Variants in ZNF793 observed in about 807,000 individuals in gnomAD.
ZNF793 encodes zinc finger protein 793.
A neutral mutation model predicts 12.4 loss-of-function variants in ZNF793; 5 were observed. The observed-to-expected ratio is 0.40, with a 90% CI of 0.21 to 0.84. The LOEUF is 0.84. Ranked by LOEUF, ZNF793 falls within the 40% of genes least tolerant of loss-of-function variation. The pLI, the probability that ZNF793 is intolerant of heterozygous loss-of-function variation, is 0.35. For synonymous variants in ZNF793, 162 were observed against 172.4 expected (o/e 0.94, Z 0.47); for missense variants, 456 against 495.0 (o/e 0.92, Z 0.75).
At chr19:37,536,256 T>A in intron 7 of ZNF793, 1 of 393,326 alleles carries the variant, frequency 2.5e-6, no homozygotes, top group East Asian at 3.6e-5. Flanking sequence ...CTTGGATGAC[T>A]GCTATACCAG....
At chr19:37,536,312 T>C (rs1325196940) in intron 7 of ZNF793, 1 of 396,910 alleles carries the variant, frequency 2.5e-6, no homozygotes, top group African/African-American at 2.1e-5. Flanking sequence ...GGCATCTTGT[T>C]GAAATGCAGA....
In ZNF793 at chr19:37,541,114, T is replaced by C. The variant is rs2042549156; in HGVS notation, c.*3235T>C. On this transcript the variant is annotated 3_prime_UTR_variant, in exon 8 of 8. Coordinates refer to ENST00000627814, the MANE Select transcript of ZNF793 (RefSeq NM_001013659.3). ...AAATTCAGAAATAGACTTCGATATA[T>C]ATGAACTTTTTCATATGTGAAAAAG... 6.6e-6 allele frequency: 1 copy of C among 152,096 alleles called. No individual in the cohort carries two copies. Among genetic ancestry groups the C allele is most frequent in the Non-Finnish European group, 1.5e-5 (1 of 68,016 alleles). 9.4% of individuals were successfully genotyped at this position (152,096 alleles called of 1,614,324 possible). A position where few individuals can be genotyped will look rare whatever the true frequency, so the allele number is the denominator to read the frequency against.
At chr19:37,514,420 G>A (rs1034706336) in intron 2 of ZNF793, among the ~76,000 whole-genome samples, 2 of 152,122 alleles carry the variant, frequency 1.3e-5, no homozygotes, top group Non-Finnish European at 2.9e-5. Context: ...TCTGGGCGTG[G>A]TCTTGTACAC....
chr19:37,537,980 C>T lies in ZNF793; in HGVS notation c.*101C>T, dbSNP rs544377578. ...AGGCTGGAGTGCAGTGGCGCGATCTCGGCTTACTGCAAGCTCTGCCTCCCG... is the reference window on the plus strand; with the variant it reads ...AGGCTGGAGTGCAGTGGCGCGATCTTGGCTTACTGCAAGCTCTGCCTCCCG... On this transcript the variant is annotated 3_prime_UTR_variant, in exon 8 of 8. Transcript: ENST00000627814. 557 of 1,344,186 alleles carry T rather than the reference C, an allele frequency of 4.1e-4. No individual in the cohort carries two copies. The highest frequency in any genetic ancestry group is 7.6e-4 in the South Asian group (48 of 63,398). 83.3% of individuals were successfully genotyped at this position (1,344,186 alleles called of 1,614,324 possible).
chr19:37,516,652 T>C (rs1332331516), intron 2 of ZNF793, among the ~76,000 whole-genome samples: 1 of 152,018 alleles, frequency 6.6e-6, no homozygotes, highest in African/African-American at 2.4e-5. Context: ...GACTCTTTTT[T>C]TTTTCTTTTT....
intron 7 of ZNF793, chr19:37,534,440 CA>C: frequency 6.6e-6 from 1 of 152,232 alleles, no homozygotes; most frequent in Non-Finnish European, 1.5e-5. Flanking sequence ...CTTTGTGTGT[CA>C]AAAACTAAAA....
Position 37,536,984 on chromosome 19 carries a change from C to T in ZNF793, c.326C>T (p.Pro109Leu). The change falls in exon 8 of 8, where the codon CCC (proline) becomes CTC (leucine). Residue 109 changes from proline to leucine, a missense_variant. Physicochemically the swap from Pro to Leu is moderately conservative, Grantham distance 98. Coordinates refer to ENST00000627814, the MANE Select transcript of ZNF793 (RefSeq NM_001013659.3). ...GCAGCCATAAGCAAGAAAACATTGC[C>T]CAAGGAGAAAAGCTGTGAATATAAT... ...PGAAISKKTL[P>L]KEKSCEYNKF... The T allele has an allele frequency of 6.2e-7, 1 of 1,613,894 alleles. No individual in the cohort carries two copies. The highest frequency in any genetic ancestry group is 1.1e-5 in the South Asian group (1 of 91,060).
intron 5 of ZNF793, among the ~76,000 whole-genome samples, chr19:37,532,014 AATT>A (rs2042465517): frequency 7.1e-6 from 1 of 141,364 alleles, no homozygotes; most frequent in African/African-American, 2.6e-5. Context: ...TCTTGCACAA[AATT>A]TTTTTTTTTT....
intron 2 of ZNF793, among the ~76,000 whole-genome samples, chr19:37,510,497 A>G (rs1012133177): frequency 3.5e-4 from 52 of 149,520 alleles, no homozygotes; most frequent in African/African-American, 1.2e-3. Flanking sequence ...CCTGGGCAAC[A>G]AGAGTGAAAC....
chr19:37,514,093 A>G (rs1207219893), intron 2 of ZNF793, among the ~76,000 whole-genome samples: 1 of 152,224 alleles, frequency 6.6e-6, no homozygotes, highest in East Asian at 1.9e-4. Flanking sequence ...TTAGGAATGT[A>G]AAAAGGGGAA....
rs2042548982 is a variant in ZNF793 at position 37,541,083 on chromosome 19, A to G, written c.*3204A>G. 6.6e-6 allele frequency: 1 copy of G among 152,170 alleles called. No homozygotes were observed. The highest frequency in any genetic ancestry group is 1.5e-5 in the Non-Finnish European group (1 of 68,032). 9.4% of individuals were successfully genotyped at this position (152,170 alleles called of 1,614,324 possible). On this transcript the variant is annotated 3_prime_UTR_variant, in exon 8 of 8. Coordinates refer to ENST00000627814, the MANE Select transcript of ZNF793 (RefSeq NM_001013659.3). The stretch of plus-strand genomic sequence containing the variant: ...ACAGGTAAATACATCATTAGAACAC[A>G]GTAGAAAATTCAGAAATAGACTTCG...
chr19:37,516,887 C>G (rs2042336860), intron 2 of ZNF793, among the ~76,000 whole-genome samples: 1 of 151,944 alleles, frequency 6.6e-6, no homozygotes, highest in Non-Finnish European at 1.5e-5. Context: ...CTCAAGCGAT[C>G]TGCCCACCTC....
rs2042512685 is a variant in ZNF793, at chr19:37,537,184, A to T, written c.526A>T (p.Ile176Leu). Residue 176 changes from isoleucine (I) to leucine (L), a missense_variant, in exon 8 of 8, where the codon ATA becomes TTA. By Grantham distance (5) the Ile-to-Leu change is conservative (BLOSUM62 2). Transcript: ENST00000627814. ...TGCTTATGGGAAATTGCTTCAGCGT[A>T]TAAATCATGGTAGACGACCTAATGG... ...CYAYGKLLQR[I>L]NHGRRPNGEK... is the part of the protein sequence containing the mutation. 6.2e-7 allele frequency: 1 copy of T among 1,613,696 alleles called. No homozygotes were observed. The highest frequency in any genetic ancestry group is 8.5e-7 in the Non-Finnish European group (1 of 1,179,770).
At chr19:37,518,040 C>T (rs1016994773) in intron 2 of ZNF793, among the ~76,000 whole-genome samples, 5 of 152,140 alleles carry the variant, frequency 3.3e-5, no homozygotes, top group Admixed American at 6.5e-5. Context: ...TTATGCTTCA[C>T]ATTGTATGTT....
In ZNF793 at chr19:37,539,136, T is replaced by C. The variant is rs536003450; in HGVS notation, c.*1257T>C. The stretch of plus-strand genomic sequence containing the variant: ...GCCAAAAATTTTACTAAAATGTAGT[T>C]ATTTATATTAAAAATGCAAGCTAAG... On this transcript the variant is annotated 3_prime_UTR_variant, in exon 8 of 8. Transcript: ENST00000627814. 2.6e-5 allele frequency: 4 copies of C among 152,364 alleles called. No individual in the cohort carries two copies. In the South Asian group the frequency reaches 8.3e-4, roughly 32 times the overall value. 9.4% of individuals were successfully genotyped at this position (152,364 alleles called of 1,614,324 possible).
At chr19:37,521,829 C>G (rs939678111) in intron 3 of ZNF793, among the ~76,000 whole-genome samples, 3 of 151,996 alleles carry the variant, frequency 2.0e-5, no homozygotes, top group African/African-American at 7.3e-5. Context: ...TATTCCTTAC[C>G]TAGATTCATC....
At chr19:37,508,042 C>G (rs1377999341) in intron 1 of ZNF793, among the ~76,000 whole-genome samples, 2 of 152,178 alleles carry the variant, frequency 1.3e-5, no homozygotes, top group African/African-American at 4.8e-5. Flanking sequence ...ACACATTTCA[C>G]TCAGGTGACA....
At chr19:37,513,457 T>C (rs979888958) in intron 2 of ZNF793, among the ~76,000 whole-genome samples, 2 of 152,214 alleles carry the variant, frequency 1.3e-5, no homozygotes, top group African/African-American at 4.8e-5. Context: ...CAAAACTGTT[T>C]AAAATGTTGA....
chr19:37,524,195 A>AATC (rs2042396393), intron 5 of ZNF793, among the ~76,000 whole-genome samples: 1 of 131,814 alleles, frequency 7.6e-6, no homozygotes, highest in South Asian at 2.4e-4. Flanking sequence ...TAATAATAAT[A>AATC]ATAAAGGGTT....
Sources: allele counts gnomAD v4.1 joint callset (sites outside exome capture counted in the v4.1 genomes callset), GRCh38; gene constraint gnomAD v4.1.1; transcripts MANE v1.5; gene names NCBI Gene and HGNC (gene_info 2026-07-23, HGNC 2026-07-21).